FBXL7: variants seen among roughly 807,000 people sequenced by gnomAD.
The protein encoded by FBXL7 is F-box and leucine rich repeat protein 7.
In FBXL7, 12 loss-of-function variants were observed where a neutral mutation model predicts 38.3. That is an observed-to-expected ratio of 0.31 (90% CI 0.20 to 0.51). The LOEUF (loss-of-function observed/expected upper bound fraction) is 0.51. Ranked by LOEUF, FBXL7 falls within the 20% of genes least tolerant of loss-of-function variation. The pLI is 0.98. For missense variants in FBXL7, 567 were observed against 676.4 expected, an observed-to-expected ratio of 0.84 and a Z score of 1.79; for synonymous variants, 297 against 300.9, an observed-to-expected ratio of 0.99 and a Z score of 0.13.
intron 2 of FBXL7, among the ~76,000 whole-genome samples, chr5:15,826,614 T>C (rs1348816098): frequency 6.6e-6 from 1 of 152,102 alleles, no homozygotes; most frequent in African/African-American, 2.4e-5. Context: ...AGACGGGGTT[T>C]CACCATGTTG....
intron 2 of FBXL7, among the ~76,000 whole-genome samples, chr5:15,620,226 T>C (rs1215049858): frequency 3.3e-5 from 5 of 149,632 alleles, no homozygotes; most frequent in Non-Finnish European, 7.4e-5. Context: ...ACTATTCTTT[T>C]TTTCTTTTTT....
chr5:15,823,980 A>C (rs983116450), intron 2 of FBXL7, among the ~76,000 whole-genome samples: 2 of 152,166 alleles, frequency 1.3e-5, no homozygotes, highest in African/African-American at 4.8e-5. Context: ...TGCTGAGATT[A>C]AACGTAAACC....
At chr5:15,608,103 T>C (rs898848238) in intron 1 of FBXL7, among the ~76,000 whole-genome samples, 3 of 152,078 alleles carry the variant, frequency 2.0e-5, no homozygotes, top group Non-Finnish European at 4.4e-5. Context: ...ATATATAATA[T>C]TTATTTTATC....
Position 15,938,236 on chromosome 5 carries a change from A to G in FBXL7, c.*1050A>G, listed in dbSNP as rs556542276. ...CACACCTAATCACAGCAAAGCCCAG[A>G]TCCCCCCATCAGTTGCTTTTACTCA... is the stretch of plus-strand genomic sequence containing the variant. On this transcript the variant is annotated 3_prime_UTR_variant, in exon 4 of 4. Transcript: ENST00000504595. 1.9e-4 allele frequency: 29 copies of G among 152,276 alleles called. No individual in the cohort carries two copies. The highest frequency in any genetic ancestry group is 7.0e-4 in the African/African-American group (29 of 41,550). 9.4% of individuals were successfully genotyped at this position (152,276 alleles called of 1,614,324 possible).
intron 1 of FBXL7, among the ~76,000 whole-genome samples, chr5:15,549,783 A>G (rs529870958): frequency 5.9e-5 from 9 of 152,324 alleles, no homozygotes; most frequent in Admixed American, 5.2e-4. Flanking sequence ...TTTTTGCATG[A>G]TGCCACTCTA....
chr5:15,766,330 A>T (rs1392264630), intron 2 of FBXL7, among the ~76,000 whole-genome samples: 1 of 152,196 alleles, frequency 6.6e-6, no homozygotes, highest in African/African-American at 2.4e-5. Flanking sequence ...GTGCTTTGGT[A>T]TCTCTGTCTT....
At chr5:15,609,521 T>G (rs1580403173) in intron 1 of FBXL7, among the ~76,000 whole-genome samples, 2 of 152,226 alleles carry the variant, frequency 1.3e-5, no homozygotes, top group African/African-American at 4.8e-5. Flanking sequence ...CCAGTGTTTC[T>G]TATTGTTTCC....
At chr5:15,547,453 T>A (rs1737945310) in intron 1 of FBXL7, among the ~76,000 whole-genome samples, 1 of 152,182 alleles carries the variant, frequency 6.6e-6, no homozygotes, top group Non-Finnish European at 1.5e-5. Flanking sequence ...GTGCACTGAT[T>A]ACTGACTTGT....
At chr5:15,605,740 T>C (rs1191383051) in intron 1 of FBXL7, among the ~76,000 whole-genome samples, 2 of 152,220 alleles carry the variant, frequency 1.3e-5, no homozygotes, top group African/African-American at 4.8e-5. Context: ...TTTTGTGTTA[T>C]GTACATTTTA....
intron 2 of FBXL7, among the ~76,000 whole-genome samples, chr5:15,816,150 C>A (rs986804386): frequency 1.3e-5 from 2 of 152,000 alleles, no homozygotes; most frequent in Non-Finnish European, 2.9e-5. Flanking sequence ...GAAAAAGACA[C>A]CTGCACCTAT....
At chr5:15,758,440 G>C (rs1480454071) in intron 2 of FBXL7, among the ~76,000 whole-genome samples, 1 of 151,690 alleles carries the variant, frequency 6.6e-6, no homozygotes, top group African/African-American at 2.4e-5. Context: ...ATACCAGGTA[G>C]GAACATTTTT....
intron 2 of FBXL7, among the ~76,000 whole-genome samples, chr5:15,785,322 T>G (rs1189827800): frequency 6.6e-6 from 1 of 152,144 alleles, no homozygotes; most frequent in Non-Finnish European, 1.5e-5. Context: ...TCAGGGGCAC[T>G]TGGTTAATGT....
intron 2 of FBXL7, among the ~76,000 whole-genome samples, chr5:15,905,465 G>A (rs975890956): frequency 4.6e-5 from 7 of 151,848 alleles, no homozygotes; most frequent in African/African-American, 1.7e-4. Flanking sequence ...CCACCCTGAG[G>A]CTTCCATCTG....
intron 2 of FBXL7, among the ~76,000 whole-genome samples, chr5:15,804,604 G>T (rs1444659690): frequency 6.6e-6 from 1 of 152,190 alleles, no homozygotes; most frequent in Non-Finnish European, 1.5e-5. Context: ...CTAGGCCGCA[G>T]ACCAGTACCC....
At chr5:15,917,222 C>T (rs894069651) in intron 2 of FBXL7, among the ~76,000 whole-genome samples, 5 of 151,956 alleles carry the variant, frequency 3.3e-5, no homozygotes, top group South Asian at 2.1e-4. Flanking sequence ...CCACTTCAAC[C>T]GATATTCACT....
chr5:15,586,389 C>T (rs963500227), intron 1 of FBXL7, among the ~76,000 whole-genome samples: 3 of 149,912 alleles, frequency 2.0e-5, no homozygotes, highest in Admixed American at 6.6e-5. Flanking sequence ...ATCTCTTTCT[C>T]AATATCTCTT....
chr5:15,693,662 A>T (rs1579383297), intron 2 of FBXL7, among the ~76,000 whole-genome samples: 1 of 152,296 alleles, frequency 6.6e-6, no homozygotes, highest in East Asian at 1.9e-4. Flanking sequence ...TAGCGGACAC[A>T]CGCATAAGCA....
At chr5:15,703,916 C>T (rs115918579) in intron 2 of FBXL7, among the ~76,000 whole-genome samples, 3,073 of 152,222 alleles carry the variant, frequency 0.02, 51 homozygotes, top group Non-Finnish European at 0.033. Context: ...AAGATACTGT[C>T]GACATATGTC....
At chr5:15,576,983 G>T (rs563832063) in intron 1 of FBXL7, among the ~76,000 whole-genome samples, 1 of 152,238 alleles carries the variant, frequency 6.6e-6, no homozygotes, top group South Asian at 2.1e-4. Flanking sequence ...TTTTTTTAAA[G>T]TAAAAGCTGA....
Sources: gnomAD v4.1 joint callset for allele counts (sites outside exome capture counted in the v4.1 genomes callset) on GRCh38, gnomAD v4.1.1 for gene constraint, MANE v1.5 for transcripts, NCBI Gene and HGNC (gene_info 2026-07-23, HGNC 2026-07-21) for gene names.